The following GLYATL2 variants were observed in gnomAD, a reference collection of about 807,000 sequenced individuals.
GLYATL2 encodes the protein glycine-N-acyltransferase like 2, also known as glycine N-acyltransferase-like protein 2.
Under a neutral mutation model 21.4 loss-of-function variants are expected in GLYATL2, and 25 were observed. That is an observed-to-expected ratio of 1.17 (90% CI 0.85 to 1.63). The LOEUF (loss-of-function observed/expected upper bound fraction) is 1.63, where lower values mean the gene tolerates loss of function less well. GLYATL2 is among the 40% of genes most tolerant of loss of function. The pLI is 0.00. For synonymous variants in GLYATL2, 114 were observed against 118.2 expected (o/e 0.96, Z 0.23); for missense variants, 361 against 343.3 (o/e 1.05, Z -0.41).
chr11:58,840,498 G>A (rs771699059), intron 1 of GLYATL2, among the ~76,000 whole-genome samples: 6 of 152,042 alleles, frequency 3.9e-5, no homozygotes, highest in Non-Finnish European at 8.8e-5. Context: ...ATAGGAAAAC[G>A]TCTGTGTTAC....
intron 1 of GLYATL2, among the ~76,000 whole-genome samples, chr11:58,887,758 T>C (rs1320705385): frequency 6.6e-6 from 1 of 152,220 alleles, no homozygotes; most frequent in Non-Finnish European, 1.5e-5. Flanking sequence ...TGGGTTCAAA[T>C]TGTTCATACT....
rs117028711 is a variant in GLYATL2, at chr11:58,859,493, T to C, written n.61-21125A>G. On this transcript the variant is annotated intron_variant and non_coding_transcript_variant, in intron 1 of 4. Transcript: ENST00000533636. ...TGGATTATTTGTTTTCTTGCTATTA[T>C]GTTTCTTATTATTTTAAATATTAAC... 2.4e-3 allele frequency among the ~76,000 whole-genome samples: 359 copies of C among 152,332 alleles called. 6 individuals are homozygous for C. The South Asian group carries it at 0.035, about 15-fold the overall frequency.
chr11:58,838,502 C>G, intron 2 of GLYATL2, 134 bp from the exon 3 acceptor site: 1 of 546,182 alleles, frequency 1.8e-6, no homozygotes, highest in South Asian at 2.6e-5. Flanking sequence ...GCCAGTGCTT[C>G]CAGGATGGCT....
intron 1 of GLYATL2, among the ~76,000 whole-genome samples, chr11:58,900,525 G>A (rs1854718239): frequency 6.6e-6 from 1 of 152,050 alleles, no homozygotes; most frequent in Admixed American, 6.6e-5. Context: ...AGAAATACCC[G>A]CTAAGAATAC....
At chr11:58,882,567 C>T (rs556334839) in intron 1 of GLYATL2, among the ~76,000 whole-genome samples, 18 of 152,298 alleles carry the variant, frequency 1.2e-4, no homozygotes, top group African/African-American at 4.3e-4. Context: ...TTTTGCCATG[C>T]AGAAGCTCTT....
intron 1 of GLYATL2, among the ~76,000 whole-genome samples, chr11:58,863,641 G>A (rs1374426426): frequency 6.6e-6 from 1 of 152,200 alleles, no homozygotes; most frequent in East Asian, 1.9e-4. Flanking sequence ...GTGGTAGACT[G>A]GTGCCTGTAG....
At chr11:58,882,547 T>C (rs1318205520) in intron 1 of GLYATL2, among the ~76,000 whole-genome samples, 1 of 152,188 alleles carries the variant, frequency 6.6e-6, no homozygotes, top group Admixed American at 6.5e-5. Context: ...TTCGCTCTGA[T>C]GGTAGTTTCT....
At chr11:58,903,487 A>G (rs899215790) in intron 1 of GLYATL2, among the ~76,000 whole-genome samples, 1 of 152,126 alleles carries the variant, frequency 6.6e-6, no homozygotes, top group African/African-American at 2.4e-5. Flanking sequence ...AGACTTGCCA[A>G]CATGGTGAAA....
chr11:58,872,842 A>G (rs1218811441), intron 1 of GLYATL2, among the ~76,000 whole-genome samples: 12 of 152,290 alleles, frequency 7.9e-5, no homozygotes, highest in Admixed American at 2.6e-4. Flanking sequence ...GTAGCTTGAT[A>G]GGGATGGCAT....
At chr11:58,838,398 G>A (rs369633121) in intron 2 of GLYATL2, 30 bp from the exon 3 acceptor site, 49 of 1,388,496 alleles carry the variant, frequency 3.5e-5, no homozygotes, top group Non-Finnish European at 4.5e-5. Context: ...AGCAGGAGAG[G>A]ATGAAGTTCT....
At position 58,839,530 on chromosome 11, in the gene GLYATL2, G is replaced by T. The variant is rs774676200; in HGVS notation, c.78+5C>A. The T allele has an allele frequency of 6.3e-7, 1 of 1,591,510 alleles. No individual in the cohort carries two copies. Among genetic ancestry groups the T allele is most frequent in the Non-Finnish European group, 8.6e-7 (1 of 1,162,094 alleles). On this transcript the variant is annotated splice_donor_5th_base_variant and intron_variant, in intron 2 of 5. Transcript: ENST00000287275. ...CTCTCCTTTGATCTCCTCCTACTCC[G>T]TTACCTTTATGGATTCAGGGATGCT... is the stretch of plus-strand genomic sequence containing the variant.
chr11:58,907,173 T>C (rs983423963), upstream of GLYATL2: 12 of 448,760 alleles, frequency 2.7e-5, no homozygotes, highest in Admixed American at 1.9e-4. Flanking sequence ...CAGTACACAG[T>C]TGAATACTTT....
chr11:58,892,704 T>C, intron 1 of GLYATL2: 1 of 354,928 alleles, frequency 2.8e-6, no homozygotes, highest in Non-Finnish European at 5.5e-6. Flanking sequence ...GCAGCTGCAT[T>C]TTCAAAGTCA....
intron 1 of GLYATL2, among the ~76,000 whole-genome samples, chr11:58,897,675 T>C (rs1590755361): frequency 1.3e-5 from 2 of 152,336 alleles, no homozygotes; most frequent in East Asian, 3.9e-4. Flanking sequence ...ACTCATGTGT[T>C]ATAGGGCCTT....
At chr11:58,870,525 A>G (rs1854099347) in intron 1 of GLYATL2, among the ~76,000 whole-genome samples, 1 of 152,200 alleles carries the variant, frequency 6.6e-6, no homozygotes, top group Non-Finnish European at 1.5e-5. Context: ...CTGGTTTTCC[A>G]TTGAGAAAAG....
Position 58,873,272 on chromosome 11 carries a change from T to A in GLYATL2, n.60+30884A>T, listed in dbSNP as rs1281253489. ...TTCCTCTTTTCCTAATTGAATACCCTTTATTTCCTTCTCCTGCCTGAATGC... is the reference window on the plus strand; with the variant it reads ...TTCCTCTTTTCCTAATTGAATACCCATTATTTCCTTCTCCTGCCTGAATGC... On this transcript the variant is annotated intron_variant and non_coding_transcript_variant, in intron 1 of 4. Transcript: ENST00000533636. Among the ~76,000 whole-genome samples, 9 of 151,912 alleles carry A rather than the reference T, an allele frequency of 5.9e-5. No homozygotes were observed. The South Asian group carries it at 1.5e-3, about 25-fold the overall frequency.
At chr11:58,867,488 C>T (rs1854042398) in intron 1 of GLYATL2, among the ~76,000 whole-genome samples, 1 of 148,634 alleles carries the variant, frequency 6.7e-6, no homozygotes, top group African/African-American at 2.4e-5. Flanking sequence ...GTTTACTCCA[C>T]CATGACCCCA....
At chr11:58,846,183 A>AT (rs776795662), upstream of GLYATL2, among the ~76,000 whole-genome samples, 71 of 151,902 alleles carry the variant, frequency 4.7e-4, no homozygotes, top group Non-Finnish European at 6.6e-4. Context: ...GAGAACACAT[A>AT]TTTTTTTTCT....
At chr11:58,905,362 GCT>G (rs35299851), upstream of GLYATL2, 14,642 of 425,552 alleles carry the variant, frequency 0.034, 828 homozygotes, top group African/African-American at 0.17. Context: ...TCAGGGTGGA[GCT>G]CTCTCTGCTG....
Sources: gnomAD v4.1 joint callset for allele counts (sites outside exome capture counted in the v4.1 genomes callset) on GRCh38, gnomAD v4.1.1 for gene constraint, MANE v1.5 for transcripts, NCBI Gene and HGNC (gene_info 2026-07-23, HGNC 2026-07-21) for gene names.